OGFOD3: variants seen among roughly 807,000 people sequenced by gnomAD.
OGFOD3 encodes 2-oxoglutarate and iron dependent oxygenase domain containing 3, also known as 2-oxoglutarate and iron-dependent oxygenase domain-containing protein 3.
Under a neutral mutation model 39.8 loss-of-function variants are expected in OGFOD3, and 35 were observed. The observed-to-expected ratio is 0.88, with a 90% CI of 0.67 to 1.17. OGFOD3 has a LOEUF of 1.17. OGFOD3 is among the 50% of genes most tolerant of loss of function. OGFOD3 has a pLI of 0.00. For missense variants in OGFOD3, 438 were observed against 454.5 expected (o/e 0.96, Z 0.33); for synonymous variants, 200 against 192.0 (o/e 1.04, Z -0.34).
rs373780935 is a variant in OGFOD3, at chr17:82,398,185, G to A, written c.823+11C>T. 149 of 1,613,888 alleles carry A rather than the reference G, an allele frequency of 9.2e-5. No individual in the cohort carries two copies. Among genetic ancestry groups the A allele is most frequent in the African/African-American group, 5.3e-4 (40 of 75,004 alleles). The stretch of plus-strand genomic sequence containing the variant: ...GGAGCCCCACGCCCAGGCCCCGCCC[G>A]CGCCTCCTACCAGCTCTCGGCTCCA... On this transcript the variant is annotated intron_variant, in intron 8 of 8. Transcript: ENST00000313056.
Position 82,415,465 on chromosome 17 carries a change from C to A in OGFOD3, c.237G>T (p.Glu79Asp). The A allele has an allele frequency of 1.2e-6, 2 of 1,614,046 alleles. No homozygotes were observed. The highest frequency in any genetic ancestry group is 2.2e-5 in the South Asian group (2 of 91,082). The change falls in exon 2 of 9, where the codon GAG becomes GAT. Residue 79 changes from glutamate (E) to aspartate (D), a missense_variant. Physicochemically the swap from Glu to Asp is conservative, Grantham distance 45. Coordinates refer to ENST00000313056, the MANE Select transcript of OGFOD3 (RefSeq NM_024648.3). The surrounding 1 kb of genome is among the most constrained non-coding windows in gnomAD (Gnocchi z 5.3). Reference protein sequence around the residue: ...GVAEVLARRGEVVAGRFIEVP... With the variant: ...GVAEVLARRGDVVAGRFIEVP... ...CCTCGATGAATCTCCCTGCCACGAC[C>A]TCGCCACGGCGGGCCAGGACCTCTG...
rs753397545 is a variant in OGFOD3 at position 82,415,483 on chromosome 17, GA to G, written c.218del (p.Val73AlafsTer56). On this transcript the variant is annotated frameshift_variant, in exon 2 of 9. Transcript: ENST00000313056. LOFTEE classifies it high-confidence loss of function. This position sits in a 1 kb window ranked among gnomAD's most constrained non-coding sequence, Gnocchi z 5.3. ...SLGADDGVAEVLARRGEVVAG... is the reference protein window; with the variant it reads ...SLGADDGVAEXLARRGEVVAG... ...CCACGACCTCGCCACGGCGGGCCAGGACCTCTGCGACCCCGTCGTCGGCCCC... is the reference window on the plus strand; with the variant it reads ...CCACGACCTCGCCACGGCGGGCCAGGCCTCTGCGACCCCGTCGTCGGCCCC... 6.2e-7 allele frequency: 1 copy of G among 1,613,726 alleles called. No homozygotes were observed. Among genetic ancestry groups the G allele is most frequent in the African/African-American group, 1.3e-5 (1 of 74,912 alleles).
Position 82,406,366 on chromosome 17 carries a change from G to T in OGFOD3, c.488+52C>A. On this transcript the variant is annotated intron_variant, in intron 5 of 8. Coordinates refer to ENST00000313056, the MANE Select transcript of OGFOD3 (RefSeq NM_024648.3). The surrounding 1 kb of genome is among the most constrained non-coding windows in gnomAD (Gnocchi z 5.2). ...CATGTCCATGGCTAAGAGGCACGGA[G>T]CCGCTCACTCGGCTTTCAGAGCCAG... The T allele has an allele frequency of 6.5e-7, 1 of 1,533,718 alleles. No homozygotes were observed. The highest frequency in any genetic ancestry group is 9.0e-7 in the Non-Finnish European group (1 of 1,107,956).
chr17:82,416,394 C>G (rs1288858516), intron 1 of OGFOD3, among the ~76,000 whole-genome samples: 4 of 152,166 alleles, frequency 2.6e-5, no homozygotes, highest in African/African-American at 4.8e-5. Context: ...TGATGGGGGC[C>G]TCCACACAGG....
At chr17:82,413,577 T>C (rs922708340) in intron 2 of OGFOD3, among the ~76,000 whole-genome samples, 9 of 151,906 alleles carry the variant, frequency 5.9e-5, no homozygotes, top group Admixed American at 4.6e-4. Context: ...ACAATAATAA[T>C]AAAAATTAGA....
Position 82,405,340 on chromosome 17 carries a change from C to A in OGFOD3, c.529G>T (p.Asp177Tyr), listed in dbSNP as rs912182703. Residue 177 changes from aspartate (D) to tyrosine (Y), a missense_variant, in exon 6 of 9, where the codon GAC becomes TAC. By Grantham distance (160) the Asp-to-Tyr change is radical. Transcript: ENST00000313056. ...DKIQNIFSEE[D>Y]FRLYREVRQK... Reference sequence around the variant, plus strand: ...CCTCCTTACCGGTATAACCGGAAGTCCTCCTCTGAGAAGATGTTCTGTATT... The same window carrying A: ...CCTCCTTACCGGTATAACCGGAAGTACTCCTCTGAGAAGATGTTCTGTATT... 6.2e-7 allele frequency: 1 copy of A among 1,614,130 alleles called. No individual in the cohort carries two copies. The highest frequency in any genetic ancestry group is 1.3e-5 in the African/African-American group (1 of 75,060).
At chr17:82,417,156 T>C (rs2053070431) in intron 1 of OGFOD3, 1 of 152,194 alleles carries the variant, frequency 6.6e-6, no homozygotes. Flanking sequence ...TTGGAGAGAT[T>C]TGGTTTTGGG....
intron 2 of OGFOD3, among the ~76,000 whole-genome samples, chr17:82,414,986 T>C (rs1457535116): frequency 6.6e-6 from 1 of 151,952 alleles, no homozygotes; most frequent in Non-Finnish European, 1.5e-5. Context: ...CTCCCGCATC[T>C]CTCAGGCCCA....
chr17:82,395,675 G>A (rs1490889375), intron 8 of OGFOD3, among the ~76,000 whole-genome samples: 1 of 152,194 alleles, frequency 6.6e-6, no homozygotes, highest in African/African-American at 2.4e-5. Context: ...CAAACAATTA[G>A]CCGGGCGTGG....
intron 4 of OGFOD3, among the ~76,000 whole-genome samples, chr17:82,408,962 C>T (rs1206098207): frequency 1.3e-5 from 2 of 152,176 alleles, no homozygotes; most frequent in Non-Finnish European, 2.9e-5. Flanking sequence ...TGCGTTGCAG[C>T]GTGTCTGTCC....
At chr17:82,411,658 C>T (rs1395562880) in intron 2 of OGFOD3, 128 bp from the exon 3 acceptor site, 1 of 706,778 alleles carries the variant, frequency 1.4e-6, no homozygotes, top group Non-Finnish European at 2.5e-6. Flanking sequence ...ACAACCACAG[C>T]TCTCCAGCGT....
intron 3 of OGFOD3, 82 bp downstream of exon 3, chr17:82,411,373 C>G (rs2052939531): frequency 3.9e-6 from 5 of 1,291,090 alleles, no homozygotes; most frequent in Non-Finnish European, 5.6e-6. Context: ...CACTTTATTA[C>G]TAACAATGCT....
intron 8 of OGFOD3, among the ~76,000 whole-genome samples, chr17:82,395,264 T>A (rs2052653821): frequency 6.6e-6 from 1 of 152,126 alleles, no homozygotes; most frequent in Admixed American, 6.5e-5. Flanking sequence ...ACTCCCGAGC[T>A]CAAACGATCT....
At chr17:82,407,834 C>A (rs555657528) in intron 4 of OGFOD3, among the ~76,000 whole-genome samples, 4 of 152,154 alleles carry the variant, frequency 2.6e-5, no homozygotes, top group African/African-American at 4.8e-5. Context: ...CTGAACCAAA[C>A]CAAACTGAAA....
At chr17:82,399,209 T>C (rs1310527720) in intron 7 of OGFOD3, among the ~76,000 whole-genome samples, 1 of 152,234 alleles carries the variant, frequency 6.6e-6, no homozygotes, top group Admixed American at 6.5e-5. Flanking sequence ...CCTTTGCAAC[T>C]TTAAAAACCC....
Position 82,406,485 on chromosome 17 carries a change from G to A in OGFOD3, c.424-3C>T. 1 of 1,613,984 alleles carries A rather than the reference G, an allele frequency of 6.2e-7. No homozygotes were observed. The highest frequency in any genetic ancestry group is 8.5e-7 in the Non-Finnish European group (1 of 1,179,866). The stretch of plus-strand genomic sequence containing the variant: ...GAGTGCAAGTCCAGAATGGATGCCT[G>A]GAAAAGACGTTGTGGAGTAAAGCGT... On this transcript the variant is annotated splice_region_variant and splice_polypyrimidine_tract_variant and intron_variant, in intron 4 of 8. Coordinates refer to ENST00000313056, the MANE Select transcript of OGFOD3 (RefSeq NM_024648.3). This position sits in a 1 kb window ranked among gnomAD's most constrained non-coding sequence, Gnocchi z 5.2.
At position 82,418,442 on chromosome 17, in the gene OGFOD3, T is replaced by C. The variant is rs1365341994; in HGVS notation, c.44A>G (p.Asn15Ser). 10 of 1,476,652 alleles carry C rather than the reference T, an allele frequency of 6.8e-6. No homozygotes were observed. Among genetic ancestry groups the C allele is most frequent in the Non-Finnish European group, 8.0e-6 (9 of 1,119,574 alleles). 91.5% of individuals were successfully genotyped at this position (1,476,652 alleles called of 1,614,324 possible). The change falls in exon 1 of 9, where the codon AAC becomes AGC. Residue 15 changes from asparagine to serine, a missense_variant. Asn to Ser is a conservative substitution (Grantham distance 46). Coordinates refer to ENST00000313056, the MANE Select transcript of OGFOD3 (RefSeq NM_024648.3). ...CCGGTTCCGGCGCTCGGCCGCTCCG[T>C]TGCCCTCGGGCGCCTTGGTTGCGGC... The part of the protein sequence containing the change: ...RRAATKAPEG[N>S]GAAERRNRSS...
chr17:82,402,523 G>C (rs906200777), intron 7 of OGFOD3, among the ~76,000 whole-genome samples: 3 of 152,216 alleles, frequency 2.0e-5, no homozygotes, highest in Admixed American at 6.5e-5. Context: ...AAGGTGGGCA[G>C]ATCACCTGAG....
At chr17:82,393,373 T>G (rs2052622788) in intron 8 of OGFOD3, 1 of 152,232 alleles carries the variant, frequency 6.6e-6, no homozygotes. Flanking sequence ...ACTCGATCTT[T>G]GAAAGGGGAG....
Sources: gnomAD v4.1 joint callset for allele counts (sites outside exome capture counted in the v4.1 genomes callset) on GRCh38, gnomAD v4.1.1 for gene constraint, Gnocchi (gnomAD v3.1) non-coding constraint, MANE v1.5 for transcripts, NCBI Gene and HGNC (gene_info 2026-07-23, HGNC 2026-07-21) for gene names.